The following TP53BP1 variants were observed in gnomAD, a reference collection of about 807,000 sequenced individuals.
TP53BP1 encodes tumor protein p53 binding protein 1.
Under a neutral mutation model 200.8 loss-of-function variants are expected in TP53BP1, and 61 were observed. That is an observed-to-expected ratio of 0.30 (90% CI 0.25 to 0.38). The LOEUF is 0.38. Ranked by LOEUF, TP53BP1 falls within the 10% of genes least tolerant of loss-of-function variation. The pLI is 1.00. For missense variants in TP53BP1, 2,144 were observed against 2,371.9 expected (o/e 0.90, Z 2.00); for synonymous variants, 822 against 844.3 (o/e 0.97, Z 0.46).
intron 4 of TP53BP1, among the ~76,000 whole-genome samples, chr15:43,482,232 AAACAACAAC>A (rs138162379): frequency 3.2e-4 from 49 of 151,796 alleles, no homozygotes; most frequent in African/African-American, 8.7e-4. Flanking sequence ...CCACCTCAAA[AAACAACAAC>A]AACAACAACA....
chr15:43,437,950 G>T (rs1227168286), intron 16 of TP53BP1, among the ~76,000 whole-genome samples: 1 of 152,236 alleles, frequency 6.6e-6, no homozygotes, highest in Non-Finnish European at 1.5e-5. Flanking sequence ...TAGACGGCCA[G>T]CTGGTAAGGG....
At chr15:43,455,099 T>C (rs1363905291) in intron 12 of TP53BP1, among the ~76,000 whole-genome samples, 1 of 152,208 alleles carries the variant, frequency 6.6e-6, no homozygotes, top group Non-Finnish European at 1.5e-5. Flanking sequence ...CAAGAACTAA[T>C]ACATTTTCCA....
In TP53BP1 at chr15:43,403,674, C is replaced by T. The variant is rs775972075; in HGVS notation, c.*3709G>A. ...TCCTTTCCTAATGCCAACTCTGTTT[C>T]CCGGGTAGGTGTTTCACTGCCTGAA... is the stretch of plus-strand genomic sequence containing the variant. On this transcript the variant is annotated 3_prime_UTR_variant, in exon 28 of 28. Coordinates refer to ENST00000382044, the MANE Select transcript of TP53BP1 (RefSeq NM_001141980.3). The T allele has an allele frequency of 1.2e-5, 20 of 1,602,778 alleles. No individual in the cohort carries two copies. The East Asian group carries it at 1.3e-4, about 11-fold the overall frequency.
In TP53BP1 at chr15:43,451,333, C is replaced by T. The variant is rs541354826; in HGVS notation, c.2717-3848G>A. 1.6e-3 allele frequency among the ~76,000 whole-genome samples: 239 copies of T among 152,058 alleles called. 1 individual carries two copies. Among genetic ancestry groups the T allele is most frequent in the African/African-American group, 5.6e-3 (234 of 41,464 alleles). ...ATATCTCTCAATGTTATCCCTCCCC[C>T]GTCCCCCCACCCCACAACAGTCCCC... is the stretch of plus-strand genomic sequence containing the variant. On this transcript the variant is annotated intron_variant, in intron 12 of 27. Coordinates refer to ENST00000382044, the MANE Select transcript of TP53BP1 (RefSeq NM_001141980.3).
chr15:43,473,187 G>A (rs934416025), intron 10 of TP53BP1, among the ~76,000 whole-genome samples: 1 of 152,196 alleles, frequency 6.6e-6, no homozygotes, highest in Admixed American at 6.5e-5. Context: ...GACCCAAAGA[G>A]TGAGCAGTAG....
In TP53BP1 at chr15:43,456,417, C is replaced by A. The variant is rs940638730; in HGVS notation, c.2191G>T (p.Asp731Tyr). The change falls in exon 12 of 28, where the codon GAT becomes TAT. Residue 731 changes from aspartate (D) to tyrosine (Y), a missense_variant. Physicochemically the swap from Asp to Tyr is radical, Grantham distance 160. Around this residue, in one of 4 missense-constraint regions of TP53BP1, gnomAD observed 1,700 missense variants for 1,710.3 expected, o/e 0.99. Transcript: ENST00000382044. Reference protein sequence around the residue: ...MEVETSVISIDSPQKLAILDQ... With the variant: ...MEVETSVISIYSPQKLAILDQ... Reference sequence around the variant, plus strand: ...AGTATTGCCAACTTTTGAGGGGAATCAATACTAATCACACTGGTTTCAACT... The same window carrying A: ...AGTATTGCCAACTTTTGAGGGGAATAAATACTAATCACACTGGTTTCAACT... 6.3e-7 allele frequency: 1 copy of A among 1,584,592 alleles called. No individual in the cohort carries two copies. Among genetic ancestry groups the A allele is most frequent in the African/African-American group, 1.4e-5 (1 of 73,446 alleles).
intron 17 of TP53BP1, among the ~76,000 whole-genome samples, chr15:43,431,871 A>G (rs1047355509): frequency 2.6e-5 from 4 of 152,226 alleles, no homozygotes; most frequent in African/African-American, 9.6e-5. Context: ...AAGGCAAGAT[A>G]AAAAGTATGG....
chr15:43,440,585 G>C (rs978622879), intron 15 of TP53BP1, among the ~76,000 whole-genome samples: 1 of 151,720 alleles, frequency 6.6e-6, no homozygotes, highest in African/African-American at 2.4e-5. Context: ...TACCCGCCTA[G>C]CCTCTAATTT....
At chr15:43,471,711 A>G (rs1345900507) in intron 10 of TP53BP1, among the ~76,000 whole-genome samples, 1 of 152,226 alleles carries the variant, frequency 6.6e-6, no homozygotes, top group Non-Finnish European at 1.5e-5. Flanking sequence ...TACAGGTGTG[A>G]GACACCGTGC....
At chr15:43,409,165 A>T in intron 25 of TP53BP1, 69 bp from the exon 26 acceptor site, 1 of 1,461,630 alleles carries the variant, frequency 6.8e-7, no homozygotes, top group Non-Finnish European at 9.5e-7. Context: ...AGCAGCCATA[A>T]TGAGCCATGA....
chr15:43,448,099 T>C (rs898247475), intron 12 of TP53BP1, among the ~76,000 whole-genome samples: 2 of 152,196 alleles, frequency 1.3e-5, no homozygotes, highest in African/African-American at 4.8e-5. Flanking sequence ...CTAAGTGTAA[T>C]GTTCATACCT....
chr15:43,491,273 G>A (rs569242630), intron 4 of TP53BP1, among the ~76,000 whole-genome samples: 1 of 151,954 alleles, frequency 6.6e-6, no homozygotes, highest in Admixed American at 6.6e-5. Context: ...TAGAGATGGG[G>A]TTTCACCATG....
chr15:43,448,474 T>C (rs2046092980), intron 12 of TP53BP1, among the ~76,000 whole-genome samples: 1 of 152,154 alleles, frequency 6.6e-6, no homozygotes, highest in Admixed American at 6.5e-5. Flanking sequence ...TTTCATCTTT[T>C]TCCACTCCTA....
intron 8 of TP53BP1, among the ~76,000 whole-genome samples, chr15:43,477,166 G>A (rs1195469351): frequency 3.3e-5 from 5 of 152,066 alleles, no homozygotes; most frequent in African/African-American, 1.2e-4. Context: ...CAAGCATGGT[G>A]GCGGGTGCCT....
intron 4 of TP53BP1, among the ~76,000 whole-genome samples, chr15:43,490,639 C>G (rs2079108745): frequency 1.3e-5 from 2 of 152,316 alleles, no homozygotes; most frequent in East Asian, 3.9e-4. Context: ...TCTCTACATT[C>G]TCCTTGGACC....
intron 1 of TP53BP1, among the ~76,000 whole-genome samples, chr15:43,507,799 C>T (rs2079245991): frequency 6.6e-6 from 1 of 152,016 alleles, no homozygotes; most frequent in African/African-American, 2.4e-5. Flanking sequence ...TCTCGGCTCA[C>T]TGCCTCCTGG....
chr15:43,453,455 C>G (rs1045667923), intron 12 of TP53BP1, among the ~76,000 whole-genome samples: 1 of 152,060 alleles, frequency 6.6e-6, no homozygotes, highest in African/African-American at 2.4e-5. Flanking sequence ...TCACCTCTAT[C>G]ATTAACTAGC....
intron 11 of TP53BP1, among the ~76,000 whole-genome samples, chr15:43,463,638 C>T (rs1486953227): frequency 1.3e-5 from 2 of 151,744 alleles, no homozygotes; most frequent in Non-Finnish European, 1.5e-5. Flanking sequence ...AAGAGAACTG[C>T]AAAAAAAATC....
intron 14 of TP53BP1, among the ~76,000 whole-genome samples, chr15:43,445,092 C>T (rs1010208498): frequency 1.3e-5 from 2 of 152,126 alleles, no homozygotes; most frequent in African/African-American, 4.8e-5. Context: ...CCTCTCTCAA[C>T]CCTGCATTTC....
Sources: allele counts gnomAD v4.1 joint callset (sites outside exome capture counted in the v4.1 genomes callset), GRCh38; gene constraint gnomAD v4.1.1; regional missense constraint gnomAD v4.1.1; transcripts MANE v1.5; gene names NCBI Gene and HGNC (gene_info 2026-07-23, HGNC 2026-07-21).